ROBO1: variants seen among roughly 807,000 people sequenced by gnomAD.
The protein encoded by ROBO1 is roundabout guidance receptor 1.
In ROBO1, 149 loss-of-function variants were observed where a neutral mutation model predicts 195.9. The observed-to-expected ratio is 0.76, with a 90% confidence interval of 0.67 to 0.87. The LOEUF is 0.87. Ranked by LOEUF, ROBO1 falls within the 40% of genes least tolerant of loss-of-function variation. The probability of loss-of-function intolerance (pLI) is 0.00; values close to 1 mark genes in which losing one functional copy is unlikely to be tolerated. For missense variants in ROBO1, 1,933 were observed against 2,068.3 expected, an observed-to-expected ratio of 0.93 and a Z score of 1.27; for synonymous variants, 816 against 733.2, an observed-to-expected ratio of 1.11 and a Z score of -1.82.
chr3:79,290,362 C>T (rs766640595), intron 2 of ROBO1, among the ~76,000 whole-genome samples: 26 of 151,912 alleles, frequency 1.7e-4, no homozygotes, highest in Non-Finnish European at 3.5e-4. Flanking sequence ...CCATTTGCCT[C>T]GTTTATGCTT....
At chr3:79,341,233 C>T (rs1246838443) in intron 2 of ROBO1, among the ~76,000 whole-genome samples, 2 of 152,112 alleles carry the variant, frequency 1.3e-5, no homozygotes, top group Non-Finnish European at 2.9e-5. Context: ...TTTTGCTTCA[C>T]AGGCTCAGGA....
intron 4 of ROBO1, among the ~76,000 whole-genome samples, chr3:78,862,140 T>G (rs1293834913): frequency 5.9e-5 from 9 of 152,176 alleles, no homozygotes; most frequent in African/African-American, 2.2e-4. Context: ...AGCAGAGAAT[T>G]TTCTCTGCTT....
chr3:79,242,660 C>T (rs1213384678), intron 2 of ROBO1, among the ~76,000 whole-genome samples: 1 of 152,106 alleles, frequency 6.6e-6, no homozygotes, highest in African/African-American at 2.4e-5. Context: ...CTATAACTTT[C>T]TTTTTGATAT....
chr3:79,387,314 C>T (rs1318386912), intron 2 of ROBO1, among the ~76,000 whole-genome samples: 2 of 151,534 alleles, frequency 1.3e-5, no homozygotes, highest in East Asian at 3.9e-4. Flanking sequence ...TAGACTGAGC[C>T]CTTTGTCAAC....
intron 4 of ROBO1, among the ~76,000 whole-genome samples, chr3:78,937,368 A>G (rs1364453532): frequency 6.6e-6 from 1 of 151,910 alleles, no homozygotes; most frequent in African/African-American, 2.4e-5. Context: ...AATTTTGAAC[A>G]TATATTAACA....
At chr3:79,173,330 G>A (rs1459560852) in intron 2 of ROBO1, among the ~76,000 whole-genome samples, 1 of 152,178 alleles carries the variant, frequency 6.6e-6, no homozygotes, top group Non-Finnish European at 1.5e-5. Flanking sequence ...TTGCGGGGAG[G>A]TGTGGAGGGA....
Position 78,598,809 on chromosome 3 carries a change from ACT to A in ROBO1, c.*102_*103del, listed in dbSNP as rs1243672319. 7.4e-6 allele frequency: 5 copies of A among 679,830 alleles called. No homozygotes were observed. In the Admixed American group the frequency reaches 1.0e-4, roughly 14 times the overall value. 42.1% of individuals were successfully genotyped at this position (679,830 alleles called of 1,614,324 possible). On this transcript the variant is annotated 3_prime_UTR_variant, in exon 31 of 31. Transcript: ENST00000464233. ...GAGGAATAAAAACGACAATTTGTACACTCTGATTGCACTGAACATTTTATCTG... is the reference window on the plus strand; with the variant it reads ...GAGGAATAAAAACGACAATTTGTACACTGATTGCACTGAACATTTTATCTG...
At chr3:79,113,397 T>A (rs1407572642) in intron 3 of ROBO1, among the ~76,000 whole-genome samples, 1 of 151,948 alleles carries the variant, frequency 6.6e-6, no homozygotes, top group Admixed American at 6.6e-5. Context: ...TTTTTTTTTT[T>A]AATAGAAAGA....
In ROBO1 at chr3:79,686,400, G is replaced by A. The variant is rs541550538; in HGVS notation, c.-51+81352C>T. Among the ~76,000 whole-genome samples the A allele has an allele frequency of 2.4e-3, 359 of 152,184 alleles. 3 individuals are homozygous for A. Among genetic ancestry groups the A allele is most frequent in the African/African-American group, 7.2e-3 (301 of 41,534 alleles). On this transcript the variant is annotated intron_variant, in intron 1 of 30. Transcript: ENST00000464233. ...ATTAGGCAGGAGAAGGAAATAAAGG[G>A]TATTCAATTAGGAAAAGAGGAAGTC... is the stretch of plus-strand genomic sequence containing the variant.
rs397874150 is a variant in ROBO1, at chr3:79,118,235, G to GTTT, written c.172+7218_172+7220dup. On this transcript the variant is annotated intron_variant, in intron 3 of 30. Transcript: ENST00000464233. ...GGCTGGTACAAAAGTAATTGTGTGG[G>GTTT]TTTTTTTTTTTTTTTGCAATTTTTA... Among the ~76,000 whole-genome samples the GTTT allele has an allele frequency of 1.4e-3, 194 of 141,834 alleles. 2 individuals are homozygous for GTTT. Among genetic ancestry groups the GTTT allele is most frequent in the African/African-American group, 4.6e-3 (171 of 37,246 alleles). The allele number at this position is 141,834 out of a possible 152,430, so 93.0% of individuals were successfully genotyped here.
chr3:79,533,014 C>T (rs1941720674), intron 2 of ROBO1: 1 of 339,288 alleles, frequency 2.9e-6, no homozygotes, highest in South Asian at 2.3e-5. Context: ...AATTAAGTAC[C>T]TTGGAGAAGA....
chr3:79,482,808 A>T (rs75911900), intron 2 of ROBO1, among the ~76,000 whole-genome samples: 4,747 of 152,272 alleles, frequency 0.031, 278 homozygotes, highest in African/African-American at 0.11. Flanking sequence ...GAAACCTCAA[A>T]ATAAAGATAG....
chr3:79,278,501 A>G (rs1278191268), intron 2 of ROBO1, among the ~76,000 whole-genome samples: 1 of 152,194 alleles, frequency 6.6e-6, no homozygotes, highest in Non-Finnish European at 1.5e-5. Context: ...GATACAGACC[A>G]ATGGAACCGG....
intron 4 of ROBO1, among the ~76,000 whole-genome samples, chr3:78,933,961 A>T (rs1013512513): frequency 2.0e-5 from 3 of 151,984 alleles, no homozygotes; most frequent in Non-Finnish European, 2.9e-5. Context: ...ACTTAATCAG[A>T]AATTAATTTA....
chr3:78,975,676 A>G (rs1189853322), intron 3 of ROBO1, among the ~76,000 whole-genome samples: 1 of 152,216 alleles, frequency 6.6e-6, no homozygotes, highest in African/African-American at 2.4e-5. Context: ...AAGTTTTTAG[A>G]TCACAAATTT....
chr3:79,050,889 C>A (rs150989374), intron 3 of ROBO1, among the ~76,000 whole-genome samples: 54 of 152,284 alleles, frequency 3.5e-4, no homozygotes, highest in Admixed American at 1.0e-3. Context: ...ATACCAGAAT[C>A]TCAGGGATAC....
At chr3:78,729,775 T>G (rs1576038354) in intron 5 of ROBO1, among the ~76,000 whole-genome samples, 1 of 152,350 alleles carries the variant, frequency 6.6e-6, no homozygotes, top group Non-Finnish European at 1.5e-5. Context: ...GTAAGAAAGC[T>G]AATTGATTTT....
intron 2 of ROBO1, among the ~76,000 whole-genome samples, chr3:79,546,370 G>T (rs542185643): frequency 6.6e-6 from 1 of 152,126 alleles, no homozygotes; most frequent in East Asian, 1.9e-4. Context: ...TGGAGTTGGT[G>T]CCTATAACAT....
At chr3:79,209,669 A>AT (rs1489721206) in intron 2 of ROBO1, among the ~76,000 whole-genome samples, 2 of 152,022 alleles carry the variant, frequency 1.3e-5, no homozygotes, top group African/African-American at 2.4e-5. Flanking sequence ...ACATTGTTTT[A>AT]TTTTTTAATT....
Sources: gnomAD v4.1 joint callset for allele counts (sites outside exome capture counted in the v4.1 genomes callset) on GRCh38, gnomAD v4.1.1 for gene constraint, MANE v1.5 for transcripts, NCBI Gene and HGNC (gene_info 2026-07-23, HGNC 2026-07-21) for gene names.